FAM24B: variants seen among roughly 807,000 people sequenced by gnomAD.
FAM24B encodes the protein family with sequence similarity 24 member B.
Under a neutral mutation model 2.3 loss-of-function variants are expected in FAM24B, and 3 were observed. The ratio of observed to expected loss-of-function variants is 1.29; its 90% CI spans 0.59 to 3.32. The LOEUF (loss-of-function observed/expected upper bound fraction) is 3.32. Ranked by LOEUF, FAM24B falls within the 30% of genes most tolerant of loss-of-function variation. The pLI is 0.03. For synonymous variants in FAM24B, 36 were observed against 46.3 expected (o/e 0.78, Z 0.90); for missense variants, 98 against 117.2 (o/e 0.84, Z 0.76).
At chr10:122,867,767 C>A (rs1016548511) in intron 1 of FAM24B, among the ~76,000 whole-genome samples, 5 of 152,136 alleles carry the variant, frequency 3.3e-5, no homozygotes, top group Non-Finnish European at 7.3e-5. Flanking sequence ...ACAGAAAGGA[C>A]ATCCACACCA....
intron 1 of FAM24B, among the ~76,000 whole-genome samples, chr10:122,871,473 C>T (rs1338147628): frequency 1.3e-4 from 19 of 151,632 alleles, no homozygotes; most frequent in African/African-American, 2.7e-4. Context: ...GAGCCCGCAT[C>T]GCCAAGTCAA....
chr10:122,856,979 C>T (rs1847650982), intron 1 of FAM24B, among the ~76,000 whole-genome samples: 1 of 152,146 alleles, frequency 6.6e-6, no homozygotes, highest in Non-Finnish European at 1.5e-5. Flanking sequence ...TGGATGGAGA[C>T]AAACAGAATT....
chr10:122,871,968 C>T (rs1465318996), intron 1 of FAM24B, among the ~76,000 whole-genome samples: 1 of 152,108 alleles, frequency 6.6e-6, no homozygotes, highest in African/African-American at 2.4e-5. Context: ...AGCTTCTGCA[C>T]AGCAAAAGAA....
At chr10:122,850,350 A>C (rs953906890) in intron 3 of FAM24B, 74 bp downstream of exon 3, 1 of 1,220,728 alleles carries the variant, frequency 8.2e-7, no homozygotes, top group Admixed American at 1.7e-5. Context: ...CAGGTATCCC[A>C]CTGAGGAAGT....
chr10:122,871,568 G>T (rs972011666), intron 1 of FAM24B, among the ~76,000 whole-genome samples: 7 of 151,990 alleles, frequency 4.6e-5, no homozygotes, highest in Admixed American at 6.5e-5. Flanking sequence ...AAAACAGCAT[G>T]GTACTGGTAC....
chr10:122,858,012 A>C (rs761363865), intron 1 of FAM24B, among the ~76,000 whole-genome samples: 17 of 152,232 alleles, frequency 1.1e-4, no homozygotes, highest in Non-Finnish European at 2.2e-4. Flanking sequence ...TCAAGGATCT[A>C]GAGCTAGAAA....
At chr10:122,858,991 G>A (rs36212411) in intron 1 of FAM24B, among the ~76,000 whole-genome samples, 2,280 of 152,246 alleles carry the variant, frequency 0.015, 54 homozygotes, top group African/African-American at 0.046. Flanking sequence ...TTCCATCAGC[G>A]GTTCCTCTTC....
chr10:122,849,111 C>A lies in FAM24B; in HGVS notation c.*136G>T. The A allele has an allele frequency of 1.8e-6, 1 of 556,112 alleles. No individual in the cohort carries two copies. Among genetic ancestry groups the A allele is most frequent in the Non-Finnish European group, 2.9e-6 (1 of 348,566 alleles). 34.4% of individuals were successfully genotyped at this position (556,112 alleles called of 1,614,324 possible). A position where few individuals can be genotyped will look rare whatever the true frequency, so the allele number is the denominator to read the frequency against. On this transcript the variant is annotated 3_prime_UTR_variant, in exon 4 of 4. Coordinates refer to ENST00000368898, the MANE Select transcript of FAM24B (RefSeq NM_152644.3). ...AAAGAGGATTATTTTTAATAGTGTACATTTATTCAAAAGTATATAAAACAA... is the reference window on the plus strand; with the variant it reads ...AAAGAGGATTATTTTTAATAGTGTAAATTTATTCAAAAGTATATAAAACAA...
chr10:122,878,595 T>A (rs1461037705), intron 1 of FAM24B, among the ~76,000 whole-genome samples: 1 of 151,586 alleles, frequency 6.6e-6, no homozygotes, highest in Non-Finnish European at 1.5e-5. Flanking sequence ...TCAGGACAAT[T>A]GATAAAAGAT....
intron 1 of FAM24B, among the ~76,000 whole-genome samples, chr10:122,858,285 C>G (rs1847669741): frequency 6.6e-6 from 1 of 152,140 alleles, no homozygotes; most frequent in Middle Eastern, 3.4e-3. Context: ...CCATCATTCT[C>G]AGCAAACTAT....
At chr10:122,873,337 C>G (rs894624067) in intron 1 of FAM24B, among the ~76,000 whole-genome samples, 4 of 152,196 alleles carry the variant, frequency 2.6e-5, no homozygotes, top group Non-Finnish European at 5.9e-5. Context: ...TATGCTAAAT[C>G]TGCTCTGTCT....
At chr10:122,861,415 T>C (rs1047666723) in intron 1 of FAM24B, among the ~76,000 whole-genome samples, 2 of 152,230 alleles carry the variant, frequency 1.3e-5, no homozygotes, top group African/African-American at 2.4e-5. Context: ...TTAAACTTTG[T>C]TATTTTTCAG....
At chr10:122,868,672 C>T (rs1367965596) in intron 1 of FAM24B, among the ~76,000 whole-genome samples, 1 of 151,926 alleles carries the variant, frequency 6.6e-6, no homozygotes, top group Non-Finnish European at 1.5e-5. Context: ...AATTTCATAT[C>T]CAGCCAAACT....
intron 1 of FAM24B, among the ~76,000 whole-genome samples, chr10:122,864,627 C>T (rs1471381497): frequency 6.6e-6 from 1 of 152,124 alleles, no homozygotes; most frequent in African/African-American, 2.4e-5. Context: ...GTGTACAGTC[C>T]TATAGGTCTG....
Position 122,849,259 on chromosome 10 carries a change from A to T in FAM24B, c.273T>A (p.Asn91Lys). 10 of 1,569,348 alleles carry T rather than the reference A, an allele frequency of 6.4e-6. No individual in the cohort carries two copies. Among genetic ancestry groups the T allele is most frequent in the Non-Finnish European group, 7.8e-6 (9 of 1,152,572 alleles). Residue 91 changes from asparagine (N) to lysine (K), a missense_variant, in exon 4 of 4, where the codon AAT becomes AAA. Physicochemically the swap from Asn to Lys is moderately conservative, Grantham distance 94 (BLOSUM62 0). Coordinates refer to ENST00000368898, the MANE Select transcript of FAM24B (RefSeq NM_152644.3). The part of the protein sequence containing the change: ...DSLPPCCCDI[N>K]EGL ...CACCTTTCCTAACTCAGAGGCCCTC[A>T]TTTATGTCGCAACAGCAAGGTGGCA...
Position 122,850,454 on chromosome 10 carries a change from CAG to C in FAM24B, c.60_61del (p.Cys21SerfsTer16). The C allele has an allele frequency of 6.2e-7, 1 of 1,614,120 alleles. No homozygotes were observed. Among genetic ancestry groups the C allele is most frequent in the Non-Finnish European group, 8.5e-7 (1 of 1,180,004 alleles). On this transcript the variant is annotated frameshift_variant, in exon 3 of 4. Transcript: ENST00000368898. LOFTEE classifies it low-confidence loss of function (END_TRUNC). ...CGCGTTGTGTATTTTGAAGTAAAGACAGAGCACGACAACTATCAGCAGGAGCA... is the reference window on the plus strand; with the variant it reads ...CGCGTTGTGTATTTTGAAGTAAAGACAGCACGACAACTATCAGCAGGAGCA...
intron 1 of FAM24B, among the ~76,000 whole-genome samples, chr10:122,877,973 T>C (rs1848003174): frequency 6.6e-6 from 1 of 152,214 alleles, no homozygotes; most frequent in Non-Finnish European, 1.5e-5. Context: ...ACTGTACAGA[T>C]GGTTGGGAAA....
intron 1 of FAM24B, among the ~76,000 whole-genome samples, chr10:122,869,775 A>C (rs1184689110): frequency 2.6e-5 from 4 of 152,190 alleles, no homozygotes; most frequent in Non-Finnish European, 4.4e-5. Context: ...TCTGGGACAC[A>C]TTCAAAGCAG....
At chr10:122,878,935 C>T (rs1006139712) in intron 1 of FAM24B, among the ~76,000 whole-genome samples, 2 of 152,034 alleles carry the variant, frequency 1.3e-5, no homozygotes, top group Non-Finnish European at 2.9e-5. Context: ...TTTAGACTGT[C>T]CAATTATGAT....
Sources: gnomAD v4.1 joint callset for allele counts (sites outside exome capture counted in the v4.1 genomes callset) on GRCh38, gnomAD v4.1.1 for gene constraint, MANE v1.5 for transcripts, NCBI Gene and HGNC (gene_info 2026-07-23, HGNC 2026-07-21) for gene names.